Variants in RAP1A observed in about 807,000 individuals in gnomAD.
RAP1A encodes the protein RAP1A, member of RAS oncogene family.
In RAP1A, 6 loss-of-function variants were observed where a neutral mutation model predicts 26.4. The observed-to-expected ratio is 0.23, with a 90% CI of 0.12 to 0.45. The LOEUF (loss-of-function observed/expected upper bound fraction) is 0.45, where lower values mean the gene tolerates loss of function less well. Ranked by LOEUF, RAP1A falls within the 20% of genes least tolerant of loss-of-function variation. RAP1A has a pLI of 0.99. For missense variants in RAP1A, 121 were observed against 217.2 expected (o/e 0.56, Z 2.78); for synonymous variants, 73 against 79.4 (o/e 0.92, Z 0.43).
Position 111,619,828 on chromosome 1 carries a change from G to A in RAP1A, c.-134G>A. On this transcript the variant is annotated 5_prime_UTR_variant, in exon 1 of 8. Transcript: ENST00000369709. ...GGCCCCTGCCGCCGCCGCTCCCGCT[G>A]CTGTCGCCGCGCAGAGCCGGAGCAG... 2.5e-6 allele frequency: 1 copy of A among 399,960 alleles called. No individual in the cohort carries two copies. The highest frequency in any genetic ancestry group is 4.4e-6 in the Non-Finnish European group (1 of 227,366). 24.8% of individuals were successfully genotyped at this position (399,960 alleles called of 1,614,324 possible).
intron 1 of RAP1A, among the ~76,000 whole-genome samples, chr1:111,623,488 C>T (rs1659286458): frequency 6.6e-6 from 1 of 152,126 alleles, no homozygotes. Context: ...CTCACTGCAA[C>T]CTCTGCCTCC....
chr1:111,573,809 T>C (rs1348046655), intron 1 of RAP1A, among the ~76,000 whole-genome samples: 1 of 152,212 alleles, frequency 6.6e-6, no homozygotes, highest in Non-Finnish European at 1.5e-5. Context: ...TTAATGGTTT[T>C]TTTTTCTTGT....
chr1:111,567,445 A>G (rs956287644), intron 1 of RAP1A, among the ~76,000 whole-genome samples: 5 of 152,248 alleles, frequency 3.3e-5, no homozygotes, highest in African/African-American at 9.6e-5. Context: ...ATCACTGCCA[A>G]GATTAACTCT....
chr1:111,690,220 A>G (rs1467001847), intron 1 of RAP1A, among the ~76,000 whole-genome samples: 1 of 152,192 alleles, frequency 6.6e-6, no homozygotes, highest in Non-Finnish European at 1.5e-5. Context: ...TTTGCTACTA[A>G]GATAAGAGTC....
chr1:111,589,032 T>A (rs927968639), intron 1 of RAP1A, among the ~76,000 whole-genome samples: 3 of 152,226 alleles, frequency 2.0e-5, no homozygotes, highest in African/African-American at 7.2e-5. Context: ...TTTATTATAA[T>A]TAGATATCTA....
At chr1:111,711,277 C>T (rs1296778131) in intron 7 of RAP1A, among the ~76,000 whole-genome samples, 3 of 152,144 alleles carry the variant, frequency 2.0e-5, no homozygotes, top group Non-Finnish European at 4.4e-5. Flanking sequence ...TTATTTAACT[C>T]TGTTATAGTT....
chr1:111,646,438 AAC>A (rs1458516295), intron 1 of RAP1A, among the ~76,000 whole-genome samples: 5 of 138,540 alleles, frequency 3.6e-5, no homozygotes, highest in Non-Finnish European at 4.5e-5. Flanking sequence ...AAAAAAACAA[AAC>A]AAAACCTCAA....
chr1:111,584,163 C>T (rs752878669), intron 1 of RAP1A, among the ~76,000 whole-genome samples: 18 of 152,028 alleles, frequency 1.2e-4, no homozygotes, highest in African/African-American at 3.6e-4. Flanking sequence ...ATTACAGGTG[C>T]GACCCACTGC....
chr1:111,683,242 C>G (rs561339462), intron 1 of RAP1A, among the ~76,000 whole-genome samples: 1 of 152,186 alleles, frequency 6.6e-6, no homozygotes, highest in South Asian at 2.1e-4. Context: ...AACACCCTAG[C>G]ATCACAATTA....
chr1:111,627,700 A>T (rs911585278), intron 1 of RAP1A: 5 of 151,944 alleles, frequency 3.3e-5, no homozygotes, highest in African/African-American at 7.2e-5. Context: ...TCCTGAAATG[A>T]GTTTCTTTAA....
intron 7 of RAP1A, among the ~76,000 whole-genome samples, chr1:111,711,039 C>T (rs969578919): frequency 6.6e-6 from 1 of 152,134 alleles, no homozygotes; most frequent in Non-Finnish European, 1.5e-5. Context: ...ATCACATTGG[C>T]CTGGCTGGTC....
At chr1:111,564,544 A>C (rs1571472840) in intron 1 of RAP1A, among the ~76,000 whole-genome samples, 4 of 127,672 alleles carry the variant, frequency 3.1e-5, no homozygotes, top group African/African-American at 6.1e-5. Context: ...ACGGAGTCTC[A>C]CTCTGTTGCC....
intron 1 of RAP1A, among the ~76,000 whole-genome samples, chr1:111,655,276 AAC>A (rs1553220659): frequency 1.3e-5 from 2 of 152,074 alleles, no homozygotes; most frequent in African/African-American, 2.4e-5. Flanking sequence ...CAAAAAAAAA[AAC>A]AACAGAAATT....
intron 1 of RAP1A, among the ~76,000 whole-genome samples, chr1:111,545,619 T>C (rs1657007941): frequency 6.6e-6 from 1 of 152,168 alleles, no homozygotes; most frequent in Non-Finnish European, 1.5e-5. Context: ...CTAAAGTTTT[T>C]AATTTTGATG....
At chr1:111,629,731 CT>C (rs557887801) in intron 1 of RAP1A, among the ~76,000 whole-genome samples, 1 of 152,076 alleles carries the variant, frequency 6.6e-6, no homozygotes, top group Admixed American at 6.5e-5. Flanking sequence ...GTGCGTGTGA[CT>C]TTTTTTTACA....
chr1:111,612,029 T>A (rs939393314), intron 1 of RAP1A, among the ~76,000 whole-genome samples: 3 of 145,528 alleles, frequency 2.1e-5, no homozygotes, highest in Non-Finnish European at 3.0e-5. Flanking sequence ...TTTTTTTTTT[T>A]ACAGAATAAA....
chr1:111,586,042 C>T (rs140370947), intron 1 of RAP1A, among the ~76,000 whole-genome samples: 7 of 152,252 alleles, frequency 4.6e-5, no homozygotes, highest in Non-Finnish European at 7.4e-5. Context: ...AGGTATCTTT[C>T]TTTCTCAGGT....
At chr1:111,632,940 A>AT (rs1317414661) in intron 1 of RAP1A, among the ~76,000 whole-genome samples, 1 of 151,208 alleles carries the variant, frequency 6.6e-6, no homozygotes, top group Non-Finnish European at 1.5e-5. Context: ...AAAAAAAAAA[A>AT]AAAAGATACT....
chr1:111,628,490 A>G (rs1455315629), intron 1 of RAP1A, among the ~76,000 whole-genome samples: 1 of 152,200 alleles, frequency 6.6e-6, no homozygotes, highest in African/African-American at 2.4e-5. Context: ...AAGCCATTGA[A>G]TGCTACGTTG....
Sources: gnomAD v4.1 joint callset for allele counts (sites outside exome capture counted in the v4.1 genomes callset) on GRCh38, gnomAD v4.1.1 for gene constraint, MANE v1.5 for transcripts, NCBI Gene and HGNC (gene_info 2026-07-23, HGNC 2026-07-21) for gene names.